The following METRNL variants were observed in gnomAD, a reference collection of about 807,000 sequenced individuals.
METRNL encodes meteorin like, glial cell differentiation regulator.
METRNL carries 9 observed loss-of-function variants against 17.4 expected under a neutral mutation model. The observed-to-expected ratio is 0.52, with a 90% CI of 0.31 to 0.90. The LOEUF (loss-of-function observed/expected upper bound fraction) is 0.90, where lower values mean the gene tolerates loss of function less well. METRNL is among the 40% of genes least tolerant of loss of function. METRNL has a pLI of 0.05. For missense variants in METRNL, 408 were observed against 430.7 expected (o/e 0.95, Z 0.47); for synonymous variants, 215 against 199.3 (o/e 1.08, Z -0.66).
intron 2 of METRNL, among the ~76,000 whole-genome samples, chr17:83,088,037 G>C (rs956331008): frequency 6.6e-6 from 1 of 152,200 alleles, no homozygotes. Flanking sequence ...ACTGAGACAC[G>C]CCGATGACCA....
intron 2 of METRNL, among the ~76,000 whole-genome samples, chr17:83,087,402 G>C (rs1175406495): frequency 6.6e-6 from 1 of 152,104 alleles, no homozygotes; most frequent in Non-Finnish European, 1.5e-5. Context: ...ACCCACGCCT[G>C]GCATCTCACG....
At position 83,084,957 on chromosome 17, in the gene METRNL, C is replaced by T; in HGVS notation, c.190C>T (p.His64Tyr). 6.2e-7 allele frequency: 1 copy of T among 1,612,306 alleles called. No homozygotes were observed. The highest frequency in any genetic ancestry group is 1.1e-5 in the South Asian group (1 of 91,042). The change falls in exon 2 of 4, where the codon CAC (histidine) becomes TAC (tyrosine). Residue 64 changes from histidine (H) to tyrosine (Y), a missense_variant. Transcript: ENST00000320095. ...WKGSGLTHEA[H>Y]RKEVEQVYLR... ...CTGCAGCGGGCTGACGCACGAGGCACACAGGAAGGAGGTGGAGCAGGTGTA... is the reference window on the plus strand; with the variant it reads ...CTGCAGCGGGCTGACGCACGAGGCATACAGGAAGGAGGTGGAGCAGGTGTA...
intron 2 of METRNL, among the ~76,000 whole-genome samples, chr17:83,087,833 G>A (rs956466586): frequency 2.6e-5 from 4 of 152,134 alleles, no homozygotes; most frequent in Non-Finnish European, 5.9e-5. Context: ...GGAGGTGGAC[G>A]AGCTCGTCTG....
In METRNL at chr17:83,087,473, G is replaced by A. The variant is rs2038065039; in HGVS notation, c.556+2150G>A. On this transcript the variant is annotated intron_variant, in intron 2 of 3. Coordinates refer to ENST00000320095, the MANE Select transcript of METRNL (RefSeq NM_001004431.3). ...AGCACCTCCAGGGCCCTCACGAGAGGCCTCTCCTATCCTGATGGGGTGGAG... is the reference window on the plus strand; with the variant it reads ...AGCACCTCCAGGGCCCTCACGAGAGACCTCTCCTATCCTGATGGGGTGGAG... 5.3e-5 allele frequency among the ~76,000 whole-genome samples: 8 copies of A among 152,320 alleles called. No homozygotes were observed. In the South Asian group the frequency reaches 1.7e-3, roughly 32 times the overall value.
chr17:83,082,120 C>T, intron 1 of METRNL: 3 of 985,434 alleles, frequency 3.0e-6, no homozygotes, highest in Non-Finnish European at 3.6e-6. Flanking sequence ...GAGGCGGGAC[C>T]AGCGCCCCGT....
At chr17:83,089,469 C>T (rs1396478475) in intron 2 of METRNL, among the ~76,000 whole-genome samples, 5 of 152,144 alleles carry the variant, frequency 3.3e-5, no homozygotes, top group Non-Finnish European at 7.4e-5. Context: ...CCGGTCCTGC[C>T]TCTCTACTTA....
intron 1 of METRNL, chr17:83,081,975 C>T: frequency 3.6e-6 from 2 of 548,730 alleles, no homozygotes; most frequent in Non-Finnish European, 4.6e-6. Flanking sequence ...CGCTGGTGTG[C>T]TGGGTGGATT....
intron 1 of METRNL, among the ~76,000 whole-genome samples, chr17:83,082,712 G>A (rs980714712): frequency 6.6e-6 from 1 of 152,222 alleles, no homozygotes; most frequent in African/African-American, 2.4e-5. Context: ...CTGAGGTGCT[G>A]GATATTTGGA....
chr17:83,091,034 C>T (rs2038128609), intron 2 of METRNL, among the ~76,000 whole-genome samples: 2 of 152,170 alleles, frequency 1.3e-5, no homozygotes, highest in African/African-American at 4.8e-5. Flanking sequence ...CGGCTTCCAG[C>T]TTGGGGGTCA....
chr17:83,080,262 G>C (rs1323602143), intron 1 of METRNL: 4 of 152,002 alleles, frequency 2.6e-5, no homozygotes, highest in Admixed American at 2.6e-4. Context: ...TCCGAGCCTC[G>C]GGGGCCGCCG....
chr17:83,085,557 G>C (rs916423000), intron 2 of METRNL, among the ~76,000 whole-genome samples: 1 of 152,128 alleles, frequency 6.6e-6, no homozygotes, highest in Non-Finnish European at 1.5e-5. Context: ...TGGTGTAGGG[G>C]GGTGTGGGAT....
chr17:83,088,360 A>G (rs2038076969), intron 2 of METRNL, among the ~76,000 whole-genome samples: 1 of 152,180 alleles, frequency 6.6e-6, no homozygotes, highest in Non-Finnish European at 1.5e-5. Context: ...GGCACCGTTC[A>G]GTGGCTTGGG....
At chr17:83,081,223 G>A (rs1017871148) in intron 1 of METRNL, among the ~76,000 whole-genome samples, 2 of 151,778 alleles carry the variant, frequency 1.3e-5, no homozygotes, top group South Asian at 4.1e-4. Flanking sequence ...GGGAGCCTCC[G>A]AGGCCGACGG....
intron 2 of METRNL, among the ~76,000 whole-genome samples, chr17:83,092,241 C>T (rs1047880803): frequency 1.1e-4 from 16 of 152,224 alleles, no homozygotes; most frequent in Admixed American, 2.6e-4. Flanking sequence ...GGGGCCGGGC[C>T]GATGGCCCTG....
intron 1 of METRNL, among the ~76,000 whole-genome samples, chr17:83,081,834 G>A (rs1035241886): frequency 6.6e-6 from 1 of 152,052 alleles, no homozygotes; most frequent in African/African-American, 2.4e-5. Flanking sequence ...TCACTGCCCC[G>A]TTGATCCACA....
chr17:83,082,687 C>CT (rs1410611662), intron 1 of METRNL, among the ~76,000 whole-genome samples: 66 of 152,318 alleles, frequency 4.3e-4, no homozygotes, highest in African/African-American at 1.5e-3. Context: ...TAAACAGACT[C>CT]TGTTTTCAGG....
chr17:83,081,006 G>A (rs918708153), intron 1 of METRNL, among the ~76,000 whole-genome samples: 2 of 151,690 alleles, frequency 1.3e-5, no homozygotes, highest in Non-Finnish European at 2.9e-5. Flanking sequence ...CGCAGCCTCC[G>A]TTCCGGGTCC....
chr17:83,094,298 G>A lies in METRNL; in HGVS notation c.659G>A (p.Arg220Gln), dbSNP rs141250936. Residue 220 changes from arginine to glutamine, a missense_variant, in exon 4 of 4, where the codon CGG becomes CAG. By Grantham distance (43) the Arg-to-Gln change is conservative. Transcript: ENST00000320095. ...SIQQVTHEPE[R>Q]QDSAIHLRVS... is the part of the protein sequence containing the mutation. Reference sequence around the variant, plus strand: ...CAGCAAGTTACCCACGAGCCTGAGCGGCAGGACTCAGCCATCCACCTGCGC... The same window carrying A: ...CAGCAAGTTACCCACGAGCCTGAGCAGCAGGACTCAGCCATCCACCTGCGC... The A allele has an allele frequency of 2.0e-5, 32 of 1,590,984 alleles. No individual in the cohort carries two copies. The highest frequency in any genetic ancestry group is 1.5e-4 in the African/African-American group (11 of 74,570).
intron 2 of METRNL, among the ~76,000 whole-genome samples, chr17:83,087,045 G>A (rs1287657045): frequency 6.6e-6 from 1 of 152,144 alleles, no homozygotes; most frequent in African/African-American, 2.4e-5. Flanking sequence ...GCGGCCTCTT[G>A]TGAGGAGTGA....
Sources: allele counts gnomAD v4.1 joint callset (sites outside exome capture counted in the v4.1 genomes callset), GRCh38; gene constraint gnomAD v4.1.1; transcripts MANE v1.5; gene names NCBI Gene and HGNC (gene_info 2026-07-23, HGNC 2026-07-21).